Variants in ZNF778 observed in about 807,000 individuals in gnomAD.
ZNF778 encodes the protein zinc finger protein 778.
In ZNF778, 37 loss-of-function variants were observed where a neutral mutation model predicts 23.9. The ratio of observed to expected loss-of-function variants is 1.54; its 90% CI spans 1.19 to 2.03. The LOEUF (loss-of-function observed/expected upper bound fraction) is 2.03. ZNF778 is among the 30% of genes most tolerant of loss of function. ZNF778 has a pLI of 0.00. For missense variants in ZNF778, 1,297 were observed against 934.4 expected, an observed-to-expected ratio of 1.39 and a Z score of -5.06; for synonymous variants, 483 against 343.9, an observed-to-expected ratio of 1.40 and a Z score of -4.48.
At chr16:89,222,065 T>G (rs756327057) in intron 2 of ZNF778, 27 bp from the exon 3 acceptor site, 1 of 1,548,964 alleles carries the variant, frequency 6.5e-7, no homozygotes, top group South Asian at 1.2e-5. Context: ...TGGGTTCTCA[T>G]GCCTTCTTGC....
chr16:89,223,873 C>CA (rs58788873), intron 4 of ZNF778, among the ~76,000 whole-genome samples: 23 of 150,436 alleles, frequency 1.5e-4, no homozygotes, highest in South Asian at 1.0e-3. Flanking sequence ...GACTCCATCT[C>CA]AAAAAAAAAA....
rs2032136103 is a variant in ZNF778, at chr16:89,233,751, A to ACTCACACTGCGTATGCAACTCAG, written c.*5192_*5193insACACTGCGTATGCAACTCAGCTC. ...CAACTCGCACTGCATATGCAACTCA[A>ACTCACACTGCGTATGCAACTCAG]CTCGCACTGCGTATGCAACTCAACT... On this transcript the variant is annotated 3_prime_UTR_variant, in exon 7 of 7. Transcript: ENST00000433976. 8.8e-7 allele frequency: 1 copy of ACTCACACTGCGTATGCAACTCAG among 1,136,896 alleles called. No homozygotes were observed. The highest frequency in any genetic ancestry group is 2.4e-5 in the African/African-American group (1 of 42,096). 70.4% of individuals were successfully genotyped at this position (1,136,896 alleles called of 1,614,324 possible). A position where few individuals can be genotyped will look rare whatever the true frequency, so the allele number is the denominator to read the frequency against.
At position 89,232,645 on chromosome 16, in the gene ZNF778, T is replaced by G. The variant is rs866670920; in HGVS notation, c.*4083T>G. On this transcript the variant is annotated 3_prime_UTR_variant, in exon 7 of 7. Coordinates refer to ENST00000433976, the MANE Select transcript of ZNF778 (RefSeq NM_001201407.2). The stretch of plus-strand genomic sequence containing the variant: ...AAGGACCAATTGTATTAATTATGTT[T>G]TTTTTTTTTTTGTTAGGGTACATTT... 10 of 981,916 alleles carry G rather than the reference T, an allele frequency of 1.0e-5. No individual in the cohort carries two copies. Among genetic ancestry groups the G allele is most frequent in the South Asian group, 7.1e-5 (4 of 56,264 alleles). 60.8% of individuals were successfully genotyped at this position (981,916 alleles called of 1,614,324 possible).
chr16:89,225,961 G>T (rs1277706963), intron 6 of ZNF778, among the ~76,000 whole-genome samples: 1 of 151,414 alleles, frequency 6.6e-6, no homozygotes, highest in African/African-American at 2.4e-5. Context: ...CACCAGGCTG[G>T]AGCGCAGTGG....
intron 2 of ZNF778, 24 bp from the exon 3 acceptor site, chr16:89,222,068 C>G: frequency 7.1e-6 from 11 of 1,559,862 alleles, no homozygotes; most frequent in Non-Finnish European, 9.6e-6. Context: ...GTTCTCATGC[C>G]TTCTTGCCTT....
intron 6 of ZNF778, 21 bp from the exon 7 acceptor site, chr16:89,226,673 C>A: frequency 6.3e-7 from 1 of 1,593,388 alleles, no homozygotes; most frequent in Admixed American, 1.7e-5. Context: ...CCCCTGACCA[C>A]CACTCATTCT....
Position 89,231,942 on chromosome 16 carries a change from G to T in ZNF778, c.*3380G>T, listed in dbSNP as rs1020083092. 1.3e-5 allele frequency: 2 copies of T among 152,340 alleles called. No individual in the cohort carries two copies. The highest frequency in any genetic ancestry group is 2.9e-5 in the Non-Finnish European group (2 of 68,218). The allele number at this position is 152,340 out of a possible 1,614,324, so 9.4% of individuals were successfully genotyped here. ...CTACAGACCTGCCATCCTGATAATT[G>T]TCAAACTCATCCCTTTATCACCTTT... is the stretch of plus-strand genomic sequence containing the variant. On this transcript the variant is annotated 3_prime_UTR_variant, in exon 7 of 7. Transcript: ENST00000433976.
Position 89,228,076 on chromosome 16 carries a change from A to G in ZNF778, c.1788A>G (p.Lys596=), listed in dbSNP as rs754462771. Residue 596 remains lysine, a synonymous_variant, in exon 7 of 7, where the codon AAA becomes AAG. Coordinates refer to ENST00000433976, the MANE Select transcript of ZNF778 (RefSeq NM_001201407.2). ...CTTATGAATGTAAGGACTGTGGGAA[A>G]ACATTCACTGTTTCTTCGAGCCTAA... ...IKPYECKDCG[K]TFTVSSSLTE... 19 of 1,612,974 alleles carry G rather than the reference A, an allele frequency of 1.2e-5. No homozygotes were observed. The Admixed American group carries it at 1.7e-4, about 14-fold the overall frequency.
rs1193994852 is a variant in ZNF778, at chr16:89,235,749, G to A, written c.*7187G>A. 1.3e-5 allele frequency: 2 copies of A among 152,162 alleles called. No individual in the cohort carries two copies. Among genetic ancestry groups the A allele is most frequent in the Non-Finnish European group, 2.9e-5 (2 of 68,030 alleles). The allele number at this position is 152,162 out of a possible 1,614,324, so 9.4% of individuals were successfully genotyped here. On this transcript the variant is annotated 3_prime_UTR_variant, in exon 7 of 7. Transcript: ENST00000433976. ...GTATCCTGGAAGAAAAGGAGAAAGT[G>A]TGATGTAGTAAAACCACTTGAAAAA...
chr16:89,222,607 A>C (rs960926946), intron 3 of ZNF778, among the ~76,000 whole-genome samples: 1 of 152,044 alleles, frequency 6.6e-6, no homozygotes, highest in African/African-American at 2.4e-5. Flanking sequence ...CAAGTGATCC[A>C]CCCGCTTTGG....
chr16:89,232,654 T>G lies in ZNF778; in HGVS notation c.*4092T>G, dbSNP rs77644244. On this transcript the variant is annotated 3_prime_UTR_variant, in exon 7 of 7. Coordinates refer to ENST00000433976, the MANE Select transcript of ZNF778 (RefSeq NM_001201407.2). ...TTGTATTAATTATGTTTTTTTTTTT[T>G]TTGTTAGGGTACATTTTCATCCTGG... The G allele has an allele frequency of 4.2e-6, 5 of 1,204,088 alleles. No homozygotes were observed. The highest frequency in any genetic ancestry group is 3.2e-5 in the African/African-American group (2 of 62,962). 74.6% of individuals were successfully genotyped at this position (1,204,088 alleles called of 1,614,324 possible).
chr16:89,224,546 G>A, intron 4 of ZNF778, 173 bp from the exon 5 acceptor site: 1 of 516,946 alleles, frequency 1.9e-6, no homozygotes, highest in Non-Finnish European at 3.6e-6. Context: ...TTGAACCCAG[G>A]AGGCAGACGT....
Position 89,224,820 on chromosome 16 carries a change from G to T in ZNF778, c.328+18G>T. On this transcript the variant is annotated intron_variant, in intron 5 of 6. Transcript: ENST00000433976. ...TCTCCAAGGTAAGTGTGAAGAGCAC[G>T]CCTGGTCGATGTCAAGTTTAGCAGC... 1 of 1,492,454 alleles carries T rather than the reference G, an allele frequency of 6.7e-7. No homozygotes were observed. The highest frequency in any genetic ancestry group is 1.2e-5 in the South Asian group (1 of 83,242). 92.5% of individuals were successfully genotyped at this position (1,492,454 alleles called of 1,614,324 possible).
At position 89,227,029 on chromosome 16, in the gene ZNF778, C is replaced by T. The variant is rs1483419582; in HGVS notation, c.741C>T (p.His247=). 4 of 1,613,826 alleles carry T rather than the reference C, an allele frequency of 2.5e-6. No individual in the cohort carries two copies. The African/African-American group carries it at 4.0e-5, about 16-fold the overall frequency. The part of the protein sequence containing the change: ...QSYLQARAGS[H]NGEETWKWKP... ...ACCTTCAGGCACGTGCGGGAAGTCA[C>T]AACGGAGAAGAAACATGGAAATGGA... Residue 247 remains histidine (H), a synonymous_variant, in exon 7 of 7, where the codon CAC becomes CAT. Coordinates refer to ENST00000433976, the MANE Select transcript of ZNF778 (RefSeq NM_001201407.2).
chr16:89,224,659 G>T (rs1158045505), intron 4 of ZNF778, 60 bp from the exon 5 acceptor site: 7 of 1,197,814 alleles, frequency 5.8e-6, no homozygotes, highest in Non-Finnish European at 8.3e-6. Flanking sequence ...CCTGTTCACG[G>T]GTAGGTTTGT....
chr16:89,227,176 T>TA lies in ZNF778; in HGVS notation c.889dup (p.Thr297AsnfsTer14), dbSNP rs1404680959. On this transcript the variant is annotated frameshift_variant, in exon 7 of 7. Transcript: ENST00000433976. LOFTEE classifies it low-confidence loss of function (END_TRUNC). ...AGGCCTTTAGGTACACTGCCTACCT[T>TA]ACTGGTCGCGTGCAAGTCCACCCTG... is the stretch of plus-strand genomic sequence containing the variant. The TA allele has an allele frequency of 6.2e-7, 1 of 1,614,024 alleles. No homozygotes were observed. Among genetic ancestry groups the TA allele is most frequent in the Admixed American group, 1.7e-5 (1 of 60,028 alleles).
At chr16:89,218,799 A>G (rs1217012468) in intron 1 of ZNF778, among the ~76,000 whole-genome samples, 1 of 146,234 alleles carries the variant, frequency 6.8e-6, no homozygotes, top group East Asian at 2.1e-4. Flanking sequence ...TCAAAAAATA[A>G]TAATAATAAT....
Position 89,227,360 on chromosome 16 carries a change from A to G in ZNF778, c.1072A>G (p.Thr358Ala). 1 of 1,613,994 alleles carries G rather than the reference A, an allele frequency of 6.2e-7. No individual in the cohort carries two copies. The highest frequency in any genetic ancestry group is 8.5e-7 in the Non-Finnish European group (1 of 1,179,870). ...GLSGLSKHVQ[T>A]DPGQKPYECK... ...CTCAGGTCTTTCTAAACACGTCCAAACAGACCCTGGACAGAAGCCCTATGA... is the reference window on the plus strand; with the variant it reads ...CTCAGGTCTTTCTAAACACGTCCAAGCAGACCCTGGACAGAAGCCCTATGA... Residue 358 changes from threonine to alanine, a missense_variant, in exon 7 of 7, where the codon ACA becomes GCA. Physicochemically the swap from Thr to Ala is moderately conservative, Grantham distance 58 (BLOSUM62 0). Transcript: ENST00000433976.
intron 5 of ZNF778, 75 bp downstream of exon 5, chr16:89,224,877 G>A (rs1170890983): frequency 9.4e-6 from 10 of 1,061,694 alleles, no homozygotes; most frequent in Non-Finnish European, 1.4e-5. Context: ...AAGTTTAGCG[G>A]CTATGGAAGG....
Sources: allele counts gnomAD v4.1 joint callset (sites outside exome capture counted in the v4.1 genomes callset), GRCh38; gene constraint gnomAD v4.1.1; transcripts MANE v1.5; gene names NCBI Gene and HGNC (gene_info 2026-07-23, HGNC 2026-07-21).